Variants in SUB1 observed in about 807,000 individuals in gnomAD.
The protein encoded by SUB1 is activated RNA polymerase II transcriptional coactivator p15.
Under a neutral mutation model 16.9 loss-of-function variants are expected in SUB1, and 1 was observed. The observed-to-expected ratio is 0.06, with a 90% CI of 0.02 to 0.28. SUB1 has a LOEUF of 0.28. SUB1 is among the 10% of genes least tolerant of loss of function. The probability of loss-of-function intolerance (pLI) is 1.00; values close to 1 mark genes in which losing one functional copy is unlikely to be tolerated. For missense variants in SUB1, 84 were observed against 145.2 expected (o/e 0.58, Z 2.16); for synonymous variants, 51 against 46.9 (o/e 1.09, Z -0.36).
intron 4 of SUB1, 39 bp downstream of exon 4, chr5:32,599,108 A>G: frequency 6.7e-7 from 1 of 1,492,172 alleles, no homozygotes; most frequent in Non-Finnish European, 9.3e-7. Context: ...CAGTGTTAGG[A>G]CTAAACGACA....
chr5:32,594,538 T>C, intron 3 of SUB1: 2 of 447,450 alleles, frequency 4.5e-6, no homozygotes, highest in Non-Finnish European at 9.0e-6. Flanking sequence ...TAGAATTGTT[T>C]TTTAATTTGA....
chr5:32,597,331 T>C (rs767885375), intron 3 of SUB1: 1 of 152,220 alleles, frequency 6.6e-6, no homozygotes, highest in Non-Finnish European at 1.5e-5. Flanking sequence ...TATTACCTTT[T>C]TCCTTTTTAT....
In SUB1 at chr5:32,601,176, T is replaced by A; in HGVS notation, c.*92T>A. ...TTTGTTTTCTAAATGTTCTCCAAGC[T>A]ATTGTATGTTTGGATTGCAGAAGAA... On this transcript the variant is annotated 3_prime_UTR_variant, in exon 5 of 5. Transcript: ENST00000265073. The A allele has an allele frequency of 9.8e-7, 1 of 1,023,364 alleles. No homozygotes were observed. The highest frequency in any genetic ancestry group is 1.5e-6 in the Non-Finnish European group (1 of 685,330). The allele number at this position is 1,023,364 out of a possible 1,614,324, so 63.4% of individuals were successfully genotyped here.
chr5:32,598,031 C>T (rs1035699615), intron 3 of SUB1: 11 of 151,240 alleles, frequency 7.3e-5, no homozygotes, highest in African/African-American at 2.7e-4. Flanking sequence ...GATTTCAGTC[C>T]GTGGTACATA....
rs1183365917 is a variant in SUB1 at position 32,598,827 on chromosome 5, G to A, written c.196-134G>A. On this transcript the variant is annotated intron_variant, in intron 3 of 4. Transcript: ENST00000265073. Reference sequence around the variant, plus strand: ...GACCTGCACAGTTCAGAGCCATGTTGTTCAAGGGTCAGCAGTAGTCATTTT... The same window carrying A: ...GACCTGCACAGTTCAGAGCCATGTTATTCAAGGGTCAGCAGTAGTCATTTT... 5 of 672,470 alleles carry A rather than the reference G, an allele frequency of 7.4e-6. No individual in the cohort carries two copies. In the Admixed American group the frequency reaches 1.5e-4, roughly 20 times the overall value. 41.7% of individuals were successfully genotyped at this position (672,470 alleles called of 1,614,324 possible). A position where few individuals can be genotyped will look rare whatever the true frequency, so the allele number is the denominator to read the frequency against.
At position 32,588,725 on chromosome 5, in the gene SUB1, T is replaced by A. The variant is rs1007044008; in HGVS notation, c.72+141T>A. ...GGTGGCTCATGCCTGTTATCCTACTTCTTTGGGAGGCCGAGGTGGCAGGAT... is the reference window on the plus strand; with the variant it reads ...GGTGGCTCATGCCTGTTATCCTACTACTTTGGGAGGCCGAGGTGGCAGGAT... On this transcript the variant is annotated intron_variant, in intron 2 of 4. Coordinates refer to ENST00000265073, the MANE Select transcript of SUB1 (RefSeq NM_006713.4). The A allele has an allele frequency of 5.3e-6, 4 of 753,386 alleles. No homozygotes were observed. In the Admixed American group the frequency reaches 1.1e-4, roughly 20 times the overall value. The allele number at this position is 753,386 out of a possible 1,614,324, so 46.7% of individuals were successfully genotyped here.
chr5:32,589,201 A>G (rs911118744), intron 2 of SUB1, among the ~76,000 whole-genome samples: 1 of 151,676 alleles, frequency 6.6e-6, no homozygotes, highest in Non-Finnish European at 1.5e-5. Context: ...CAGTCCTCCC[A>G]CCTCTGCCTC....
In SUB1 at chr5:32,603,617, T is replaced by TA. The variant is rs1215184731; in HGVS notation, c.*2534dup. On this transcript the variant is annotated 3_prime_UTR_variant, in exon 5 of 5. Transcript: ENST00000265073. ...ATGCCTAAGAACTTAAGAATACTCC[T>TA]ACCTCATTAGCTACTCAAGATGCTG... 1.3e-5 allele frequency: 2 copies of TA among 152,200 alleles called. No individual in the cohort carries two copies. The highest frequency in any genetic ancestry group is 6.5e-5 in the Admixed American group (1 of 15,278). 9.4% of individuals were successfully genotyped at this position (152,200 alleles called of 1,614,324 possible). A position where few individuals can be genotyped will look rare whatever the true frequency, so the allele number is the denominator to read the frequency against.
rs35817466 is a variant in SUB1 at position 32,603,892 on chromosome 5, GTTTTT to G, written c.*2817_*2821del. 1 of 147,590 alleles carries G rather than the reference GTTTTT, an allele frequency of 6.8e-6. No homozygotes were observed. The highest frequency in any genetic ancestry group is 2.5e-5 in the African/African-American group (1 of 40,018). 9.1% of individuals were successfully genotyped at this position (147,590 alleles called of 1,614,324 possible). A position where few individuals can be genotyped will look rare whatever the true frequency, so the allele number is the denominator to read the frequency against. On this transcript the variant is annotated 3_prime_UTR_variant, in exon 5 of 5. Transcript: ENST00000265073. ...AGTTAATCCAGTGAAACACTCAAAA[GTTTTT>G]TTTTTTTTAAAAGTGTTTTTCCAGA...
chr5:32,599,508 C>T (rs574974729), intron 4 of SUB1, among the ~76,000 whole-genome samples: 2 of 152,256 alleles, frequency 1.3e-5, no homozygotes, highest in African/African-American at 4.8e-5. Flanking sequence ...TTCATCCAGT[C>T]CCAAGCCTCT....
At chr5:32,600,603 G>A (rs959321646) in intron 4 of SUB1, among the ~76,000 whole-genome samples, 9 of 146,168 alleles carry the variant, frequency 6.2e-5, no homozygotes, top group African/African-American at 2.5e-4. Context: ...TGTCCAAGTG[G>A]CAATTTTTTT....
At chr5:32,588,373 G>A (rs1422292266) in intron 1 of SUB1, 139 bp from the exon 2 acceptor site, 1 of 701,128 alleles carries the variant, frequency 1.4e-6, no homozygotes, top group African/African-American at 1.8e-5. Context: ...CTTGTGCTCA[G>A]TGTAACAACT....
rs114325457 is a variant in SUB1 at position 32,600,899 on chromosome 5, C to T, written c.305-106C>T. 9,501 of 1,042,022 alleles carry T rather than the reference C, an allele frequency of 9.1e-3. 100 individuals are homozygous for T. Among genetic ancestry groups the T allele is most frequent in the Non-Finnish European group, 9.2e-3 (6,333 of 686,434 alleles). 64.5% of individuals were successfully genotyped at this position (1,042,022 alleles called of 1,614,324 possible). A position where few individuals can be genotyped will look rare whatever the true frequency, so the allele number is the denominator to read the frequency against. ...GGATTACAGGTGTGAGCCACCGCGCCCAGCCTAAAGTGGCAATTTTGATAA... is the reference window on the plus strand; with the variant it reads ...GGATTACAGGTGTGAGCCACCGCGCTCAGCCTAAAGTGGCAATTTTGATAA... On this transcript the variant is annotated intron_variant, in intron 4 of 4. Transcript: ENST00000265073.
chr5:32,591,067 C>T (rs1185269523), intron 2 of SUB1, among the ~76,000 whole-genome samples: 2 of 152,070 alleles, frequency 1.3e-5, no homozygotes, highest in African/African-American at 2.4e-5. Flanking sequence ...CCGCGCCCGG[C>T]CCATAAATTC....
At chr5:32,590,473 A>G (rs1285766241) in intron 2 of SUB1, among the ~76,000 whole-genome samples, 1 of 151,652 alleles carries the variant, frequency 6.6e-6, no homozygotes, top group East Asian at 1.9e-4. Flanking sequence ...AAGCTAGTCT[A>G]ACACATAGCT....
intron 3 of SUB1, chr5:32,598,555 G>A (rs1269305303): frequency 1.2e-5 from 2 of 160,164 alleles, no homozygotes; most frequent in Non-Finnish European, 2.7e-5. Flanking sequence ...ATGCAGTTAT[G>A]AATTAATACT....
At chr5:32,598,876 T>C in intron 3 of SUB1, 85 bp from the exon 4 acceptor site, 1 of 999,640 alleles carries the variant, frequency 1.0e-6, no homozygotes, top group East Asian at 2.4e-5. Context: ...AGAGTGAGCA[T>C]GCAGCAAGTT....
Position 32,601,327 on chromosome 5 carries a change from A to C in SUB1, c.*243A>C. 4.7e-6 allele frequency: 2 copies of C among 423,950 alleles called. No homozygotes were observed. Among genetic ancestry groups the C allele is most frequent in the East Asian group, 9.7e-5 (2 of 20,592 alleles). 26.3% of individuals were successfully genotyped at this position (423,950 alleles called of 1,614,324 possible). A position where few individuals can be genotyped will look rare whatever the true frequency, so the allele number is the denominator to read the frequency against. On this transcript the variant is annotated 3_prime_UTR_variant, in exon 5 of 5. Coordinates refer to ENST00000265073, the MANE Select transcript of SUB1 (RefSeq NM_006713.4). ...GTGTAAAATAAAATCAAGTAATACA[A>C]TCTTAACTGTTGTGGCCTTTTTTGA...
rs567336710 is a variant in SUB1 at position 32,591,698 on chromosome 5, ATT to A, written c.195+32_195+33del. On this transcript the variant is annotated intron_variant, in intron 3 of 4. Transcript: ENST00000265073. ...TAACATGTTTCAGGTAAAGTTGGCT[ATT>A]TTTTTTTTTTTTTTTTTTGACATGG... 0.038 allele frequency: 48,450 copies of A among 1,285,928 alleles called. No individual in the cohort carries two copies. The highest frequency in any genetic ancestry group is 0.068 in the South Asian group (3,906 of 57,406). 79.7% of individuals were successfully genotyped at this position (1,285,928 alleles called of 1,614,324 possible).
Sources: gnomAD v4.1 joint callset for allele counts (sites outside exome capture counted in the v4.1 genomes callset) on GRCh38, gnomAD v4.1.1 for gene constraint, MANE v1.5 for transcripts, NCBI Gene and HGNC (gene_info 2026-07-23, HGNC 2026-07-21) for gene names.